The following HUWE1 variants were observed in gnomAD, a reference collection of about 807,000 sequenced individuals.
HUWE1 encodes E3 ubiquitin-protein ligase HUWE1.
Under a neutral mutation model 299.4 loss-of-function variants are expected in HUWE1, and 18 were observed. The observed-to-expected ratio is 0.06, with a 90% CI of 0.04 to 0.09. The LOEUF is 0.09. HUWE1 is among the 10% of genes least tolerant of loss of function. HUWE1 has a pLI of 1.00. For missense variants in HUWE1, 1,832 were observed against 3,462.3 expected (o/e 0.53, Z 11.82); for synonymous variants, 1,317 against 1,286.1 (o/e 1.02, Z -0.51).
rs185538388 is a variant in HUWE1, at chrX:53,667,652, A to T, written c.-25+12397T>A. 3.0e-3 allele frequency among the ~76,000 whole-genome samples: 335 copies of T among 112,239 alleles called. 1 individual carries two copies. The highest frequency in any genetic ancestry group is 0.01 in the African/African-American group (315 of 30,898). ...AAAAATCCTAAGTTGAACCATCATTAAGTCGGGGACGCCTGTACTAAGAAA... is the reference window on the plus strand; with the variant it reads ...AAAAATCCTAAGTTGAACCATCATTTAGTCGGGGACGCCTGTACTAAGAAA... On this transcript the variant is annotated intron_variant, in intron 3 of 83. Coordinates refer to ENST00000262854, the MANE Select transcript of HUWE1 (RefSeq NM_031407.7).
intron 60 of HUWE1, among the ~76,000 whole-genome samples, chrX:53,555,934 C>A (rs782455089): frequency 3.3e-4 from 37 of 112,066 alleles, no homozygotes; most frequent in Non-Finnish European, 6.0e-4. Flanking sequence ...TGAACCACTG[C>A]GCCTGGCCCA....
At chrX:53,543,820 G>A (rs1445056339) in intron 73 of HUWE1, 21 bp downstream of exon 73, 4 of 1,209,303 alleles carry the variant, frequency 3.3e-6, no homozygotes, top group African/African-American at 3.5e-5. Context: ...ATGAATGAGG[G>A]GCCACAGGCA....
intron 34 of HUWE1, 44 bp from the exon 35 acceptor site, chrX:53,590,543 C>T: frequency 1.0e-6 from 1 of 963,228 alleles, no homozygotes; most frequent in Non-Finnish European, 1.5e-6. Flanking sequence ...ACACTCAAAA[C>T]AAAGAAACCC....
At position 53,532,538 on chromosome X, in the gene HUWE1, C is replaced by G. The variant is rs1226710390; in HGVS notation, c.*771G>C. ...GCAATCTCTAACACCATCACCATCC[C>G]CAAGTGCAGCTCCCATTCTAAAAAA... On this transcript the variant is annotated 3_prime_UTR_variant, in exon 84 of 84. Transcript: ENST00000262854. 9.2e-6 allele frequency: 1 copy of G among 108,114 alleles called. No homozygotes were observed. The highest frequency in any genetic ancestry group is 1.9e-5 in the Non-Finnish European group (1 of 52,339). The allele number at this position is 108,114 out of a possible 1,213,427, so 8.9% of individuals were successfully genotyped here.
intron 48 of HUWE1, 103 bp downstream of exon 48, chrX:53,569,513 G>C (rs1240217346): frequency 1.3e-6 from 1 of 742,554 alleles, no homozygotes; most frequent in Non-Finnish European, 2.1e-6. Context: ...TATGATGCCA[G>C]TATGACAAGA....
chrX:53,567,316 G>T (rs975713176), intron 49 of HUWE1, among the ~76,000 whole-genome samples: 30 of 111,344 alleles, frequency 2.7e-4, no homozygotes, highest in African/African-American at 9.1e-4. Context: ...TCAAAAAATT[G>T]ATAGGTTTGT....
At chrX:53,622,350 C>G (rs1398447666) in intron 19 of HUWE1, among the ~76,000 whole-genome samples, 1 of 111,726 alleles carries the variant, frequency 9.0e-6, no homozygotes, top group Non-Finnish European at 1.9e-5. Flanking sequence ...ATCCTGTTCC[C>G]TTCTACCCAT....
chrX:53,568,918 T>C, intron 48 of HUWE1, 44 bp from the exon 49 acceptor site: 1 of 1,091,752 alleles, frequency 9.2e-7, no homozygotes. Context: ...AATATAGCCA[T>C]TTCTCAGGCC....
chrX:53,648,169 T>C, intron 5 of HUWE1, 43 bp downstream of exon 5: 1 of 826,647 alleles, frequency 1.2e-6, no homozygotes, highest in Non-Finnish European at 1.8e-6. Context: ...AATGATGTAT[T>C]AGTATGGTGA....
chrX:53,656,552 AAAAAAAAAAG>A (rs1444689424), intron 3 of HUWE1, among the ~76,000 whole-genome samples: 14 of 92,935 alleles, frequency 1.5e-4, no homozygotes, highest in Middle Eastern at 5.4e-3. Context: ...CAAAAAAAAA[AAAAAAAAAAG>A]AAAAATCAAA....
At chrX:53,684,268 C>A (rs1382841768) in intron 2 of HUWE1, 1 of 151,458 alleles carries the variant, frequency 6.6e-6, no homozygotes, top group Non-Finnish European at 1.3e-5. Flanking sequence ...AGGATGCCGC[C>A]CGCGCCTCGC....
rs782559562 is a variant in HUWE1, at chrX:53,627,269, C to T, written c.1489+141G>A. Reference sequence around the variant, plus strand: ...GAAAAACAAATTTGCAAATCACTTACATAGAAAAAAAATTTTTGTTGCTGA... The same window carrying T: ...GAAAAACAAATTTGCAAATCACTTATATAGAAAAAAAATTTTTGTTGCTGA... On this transcript the variant is annotated intron_variant, in intron 17 of 83. Coordinates refer to ENST00000262854, the MANE Select transcript of HUWE1 (RefSeq NM_031407.7). 103 of 394,714 alleles carry T rather than the reference C, an allele frequency of 2.6e-4. No homozygotes were observed. In the Middle Eastern group the frequency reaches 7.3e-3, roughly 28 times the overall value. The allele number at this position is 394,714 out of a possible 1,213,427, so 32.5% of individuals were successfully genotyped here.
chrX:53,566,117 A>ATGTGTG (rs781804758), intron 49 of HUWE1, among the ~76,000 whole-genome samples: 11 of 54,310 alleles, frequency 2.0e-4, no homozygotes, highest in East Asian at 6.5e-4. Flanking sequence ...GTATGTATGT[A>ATGTGTG]TGTGTGTGTG....
In HUWE1 at chrX:53,534,028, C is replaced by T. The variant is rs781927085; in HGVS notation, c.13001G>A (p.Arg4334His). 5 of 1,210,777 alleles carry T rather than the reference C, an allele frequency of 4.1e-6. No homozygotes were observed. The highest frequency in any genetic ancestry group is 1.7e-5 in the African/African-American group (1 of 57,750). Residue 4334 changes from arginine (R) to histidine (H), a missense_variant, in exon 83 of 84, where the codon CGC becomes CAC. By Grantham distance (29) the Arg-to-His change is conservative. Transcript: ENST00000262854. ...TTACCATGTGTGAGCTGAAGGCAGG[C>T]GATCTGTGGACCTGTCATCTCGATG... ...QIHRDDRSTD[R>H]LPSAHTCFNQ...
At chrX:53,560,563 A>G (rs2062237239) in intron 55 of HUWE1, 147 bp from the exon 56 acceptor site, 1 of 511,125 alleles carries the variant, frequency 2.0e-6, no homozygotes, top group Non-Finnish European at 3.4e-6. Flanking sequence ...CTCATCTACA[A>G]TCACTGACAC....
At chrX:53,594,248 G>A (rs1203293864) in intron 31 of HUWE1, among the ~76,000 whole-genome samples, 1 of 112,104 alleles carries the variant, frequency 8.9e-6, no homozygotes, top group Non-Finnish European at 1.9e-5. Flanking sequence ...ACCCATACTT[G>A]GAACTGGAAG....
chrX:53,544,902 G>T, intron 71 of HUWE1, 127 bp downstream of exon 71: 1 of 918,655 alleles, frequency 1.1e-6, no homozygotes, highest in Non-Finnish European at 1.6e-6. Flanking sequence ...GAAAAAAATG[G>T]GTCAAGTGTG....
intron 43 of HUWE1, among the ~76,000 whole-genome samples, chrX:53,577,811 C>T (rs1341241152): frequency 7.8e-4 from 89 of 113,754 alleles, no homozygotes; most frequent in Non-Finnish European, 1.4e-3. Context: ...GACGGAGTCT[C>T]GTTCACTCAG....
intron 7 of HUWE1, among the ~76,000 whole-genome samples, chrX:53,637,110 A>C (rs912364656): frequency 2.2e-4 from 25 of 112,222 alleles, no homozygotes; most frequent in African/African-American, 8.1e-4. Flanking sequence ...TGCCTCCCAA[A>C]GAGTAAGCCA....
Sources: gnomAD v4.1 joint callset for allele counts (sites outside exome capture counted in the v4.1 genomes callset) on GRCh38, gnomAD v4.1.1 for gene constraint, MANE v1.5 for transcripts, NCBI Gene and HGNC (gene_info 2026-07-23, HGNC 2026-07-21) for gene names.